MOSMO: variants seen among roughly 807,000 people sequenced by gnomAD.
MOSMO encodes modulator of smoothened, also known as modulator of smoothened protein.
MOSMO carries 5 observed loss-of-function variants against 18.4 expected under a neutral mutation model. The ratio of observed to expected loss-of-function variants is 0.27; its 90% CI spans 0.14 to 0.57. The LOEUF is 0.57. MOSMO is among the 20% of genes least tolerant of loss of function. MOSMO has a pLI of 0.92. For missense variants in MOSMO, 138 were observed against 211.8 expected (o/e 0.65, Z 2.16); for synonymous variants, 82 against 82.3 (o/e 1.00, Z 0.02).
chr16:22,048,585 T>A (rs899960186), intron 1 of MOSMO, among the ~76,000 whole-genome samples: 4 of 152,364 alleles, frequency 2.6e-5, no homozygotes, highest in Admixed American at 2.6e-4. Context: ...ACATATTTAA[T>A]CTTTTGAGGT....
At chr16:22,066,377 G>A (rs1385042273) in intron 1 of MOSMO, among the ~76,000 whole-genome samples, 1 of 152,184 alleles carries the variant, frequency 6.6e-6, no homozygotes, top group East Asian at 1.9e-4. Flanking sequence ...GGAATAGAAT[G>A]TCCATAGGAG....
intron 1 of MOSMO, among the ~76,000 whole-genome samples, chr16:22,072,285 C>T (rs959234216): frequency 1.3e-5 from 2 of 152,120 alleles, no homozygotes; most frequent in Non-Finnish European, 2.9e-5. Context: ...AGTAACAGCA[C>T]AGTTAGCCTT....
intron 1 of MOSMO, among the ~76,000 whole-genome samples, chr16:22,013,376 T>G (rs944234660): frequency 3.3e-5 from 5 of 152,170 alleles, no homozygotes; most frequent in Non-Finnish European, 7.3e-5. Context: ...TTAAAATTCT[T>G]CAGTGGCTGG....
intron 1 of MOSMO, among the ~76,000 whole-genome samples, chr16:22,015,161 C>T (rs1418603519): frequency 1.3e-5 from 2 of 152,138 alleles, no homozygotes; most frequent in African/African-American, 2.4e-5. Flanking sequence ...TTTGCCTATT[C>T]TGGACATTTC....
chr16:22,052,052 CTT>C (rs1425221106), intron 1 of MOSMO, among the ~76,000 whole-genome samples: 1 of 152,142 alleles, frequency 6.6e-6, no homozygotes, highest in Non-Finnish European at 1.5e-5. Flanking sequence ...TGCATATACT[CTT>C]TAACCCAGAA....
chr16:22,067,451 G>A (rs1476735146), intron 1 of MOSMO, among the ~76,000 whole-genome samples: 1 of 152,186 alleles, frequency 6.6e-6, no homozygotes, highest in Non-Finnish European at 1.5e-5. Flanking sequence ...ATCTTGAAGG[G>A]AGCAGGAAAA....
chr16:22,038,003 C>T (rs1900140384), intron 1 of MOSMO, among the ~76,000 whole-genome samples: 1 of 152,124 alleles, frequency 6.6e-6, no homozygotes. Flanking sequence ...ACTGAAAGTC[C>T]CAGTCTTCTA....
In MOSMO at chr16:22,064,696, C is replaced by A. The variant is rs145946893; in HGVS notation, c.107-10791C>A. Among the ~76,000 whole-genome samples the A allele has an allele frequency of 5.2e-3, 788 of 152,132 alleles. 6 individuals carry two copies. Among genetic ancestry groups the A allele is most frequent in the African/African-American group, 0.017 (725 of 41,504 alleles). On this transcript the variant is annotated intron_variant, in intron 1 of 2. Transcript: ENST00000542527. ...CACACTTAAATTTAATGTGTAATATCGTATAAACATTTTAGAATTTTAAAA... is the reference window on the plus strand; with the variant it reads ...CACACTTAAATTTAATGTGTAATATAGTATAAACATTTTAGAATTTTAAAA...
intron 1 of MOSMO, among the ~76,000 whole-genome samples, chr16:22,009,836 A>AAAAAAAAT (rs1899485456): frequency 8.2e-6 from 1 of 121,234 alleles, no homozygotes; most frequent in Admixed American, 8.7e-5. Context: ...AAAAAAAAAA[A>AAAAAAAAT]AGAGAATTAG....
intron 1 of MOSMO, among the ~76,000 whole-genome samples, chr16:22,058,448 G>C (rs995629435): frequency 6.0e-5 from 9 of 149,906 alleles, no homozygotes; most frequent in African/African-American, 2.2e-4. Context: ...AAAAAAGAAA[G>C]AAACAATTGC....
At chr16:22,026,905 G>A (rs1899888100) in intron 1 of MOSMO, among the ~76,000 whole-genome samples, 1 of 151,732 alleles carries the variant, frequency 6.6e-6, no homozygotes, top group Non-Finnish European at 1.5e-5. Flanking sequence ...AAGTATTCGT[G>A]TAGCAAGTCT....
chr16:22,071,064 A>C (rs1900840608), intron 1 of MOSMO, among the ~76,000 whole-genome samples: 1 of 152,230 alleles, frequency 6.6e-6, no homozygotes, highest in African/African-American at 2.4e-5. Context: ...GCTTTTATCA[A>C]TCATTAAGAC....
At chr16:22,023,505 T>C (rs967899851) in intron 1 of MOSMO, among the ~76,000 whole-genome samples, 15 of 152,200 alleles carry the variant, frequency 9.9e-5, no homozygotes, top group Non-Finnish European at 1.3e-4. Flanking sequence ...TGCTATTTCT[T>C]TTATTTTTTG....
At chr16:22,049,183 A>G (rs541563909) in intron 1 of MOSMO, among the ~76,000 whole-genome samples, 2 of 152,240 alleles carry the variant, frequency 1.3e-5, no homozygotes, top group African/African-American at 2.4e-5. Flanking sequence ...TAGTCAAAAT[A>G]TAGAAGTTTT....
intron 1 of MOSMO, among the ~76,000 whole-genome samples, chr16:22,045,630 CAT>C (rs1245892738): frequency 1.3e-5 from 2 of 152,108 alleles, no homozygotes; most frequent in Non-Finnish European, 2.9e-5. Flanking sequence ...TCAATAGCCA[CAT>C]GTGGATTTTT....
At chr16:22,025,905 T>A (rs1899865738) in intron 1 of MOSMO, among the ~76,000 whole-genome samples, 1 of 152,224 alleles carries the variant, frequency 6.6e-6, no homozygotes, top group Admixed American at 6.5e-5. Flanking sequence ...TACCTCTCTC[T>A]TATTAACACC....
intron 1 of MOSMO, among the ~76,000 whole-genome samples, chr16:22,060,218 G>A (rs1900614881): frequency 6.6e-6 from 1 of 152,042 alleles, no homozygotes; most frequent in Admixed American, 6.6e-5. Flanking sequence ...TAAAACATTT[G>A]TCCTTCAAGA....
chr16:22,056,365 CTTTTTTTTT>C (rs35642716), intron 1 of MOSMO, among the ~76,000 whole-genome samples: 1 of 54,610 alleles, frequency 1.8e-5, no homozygotes, highest in Non-Finnish European at 3.1e-5. Flanking sequence ...TTCTTTCTTT[CTTTTTTTTT>C]TTTTTTTTTT....
At chr16:22,055,863 T>C (rs1900522254) in intron 1 of MOSMO, among the ~76,000 whole-genome samples, 1 of 152,224 alleles carries the variant, frequency 6.6e-6, no homozygotes, top group African/African-American at 2.4e-5. Flanking sequence ...CATATCAACC[T>C]TTAGCCATCA....
Sources: allele counts gnomAD v4.1 joint callset (sites outside exome capture counted in the v4.1 genomes callset), GRCh38; gene constraint gnomAD v4.1.1; transcripts MANE v1.5; gene names NCBI Gene and HGNC (gene_info 2026-07-23, HGNC 2026-07-21).